The following UBE2E2 variants were observed in gnomAD, a reference collection of about 807,000 sequenced individuals.
UBE2E2 encodes the protein ubiquitin conjugating enzyme E2 E2.
In UBE2E2, 6 loss-of-function variants were observed where a neutral mutation model predicts 24.7. The observed-to-expected ratio is 0.24, with a 90% CI of 0.13 to 0.48. The LOEUF (loss-of-function observed/expected upper bound fraction) is 0.48. UBE2E2 is among the 20% of genes least tolerant of loss of function. UBE2E2 has a pLI of 0.99. For missense variants in UBE2E2, 169 were observed against 245.0 expected, an observed-to-expected ratio of 0.69 and a Z score of 2.07; for synonymous variants, 104 against 83.6, an observed-to-expected ratio of 1.24 and a Z score of -1.33.
chr3:23,254,740 C>A (rs1317865995), intron 3 of UBE2E2, among the ~76,000 whole-genome samples: 2 of 151,874 alleles, frequency 1.3e-5, no homozygotes, highest in East Asian at 3.9e-4. Context: ...GAAGGACTTG[C>A]TATAGGAGGC....
intron 3 of UBE2E2, among the ~76,000 whole-genome samples, chr3:23,266,876 A>C (rs1426990545): frequency 6.6e-6 from 1 of 152,222 alleles, no homozygotes; most frequent in Non-Finnish European, 1.5e-5. Context: ...AGTGCAATCA[A>C]ACTAGAACTC....
At chr3:23,473,365 G>T (rs970008608) in intron 3 of UBE2E2, among the ~76,000 whole-genome samples, 2 of 151,870 alleles carry the variant, frequency 1.3e-5, no homozygotes, top group Non-Finnish European at 1.5e-5. Context: ...ATCCCCAGGG[G>T]TCAAAAAAAG....
intron 5 of UBE2E2, among the ~76,000 whole-genome samples, chr3:23,567,525 T>A (rs946608272): frequency 6.6e-6 from 1 of 152,152 alleles, no homozygotes; most frequent in Non-Finnish European, 1.5e-5. Flanking sequence ...AGGTCACTTA[T>A]AGGAAATGGA....
chr3:23,284,969 A>G (rs1177478204), intron 3 of UBE2E2, among the ~76,000 whole-genome samples: 1 of 147,646 alleles, frequency 6.8e-6, no homozygotes, highest in African/African-American at 2.5e-5. Flanking sequence ...AAAAATATAT[A>G]TATATATATT....
intron 3 of UBE2E2, among the ~76,000 whole-genome samples, chr3:23,466,398 C>T (rs1698919535): frequency 6.6e-6 from 1 of 152,092 alleles, no homozygotes; most frequent in African/African-American, 2.4e-5. Flanking sequence ...CTTGATCATC[C>T]TGCCTTTGTG....
chr3:23,349,886 T>C (rs1695683127), intron 3 of UBE2E2, among the ~76,000 whole-genome samples: 2 of 152,308 alleles, frequency 1.3e-5, no homozygotes, highest in Admixed American at 6.5e-5. Flanking sequence ...GAGCAGTGGT[T>C]CTCCCAGCAG....
chr3:23,402,320 G>A (rs1001801749), intron 3 of UBE2E2, among the ~76,000 whole-genome samples: 6 of 152,186 alleles, frequency 3.9e-5, no homozygotes, highest in Non-Finnish European at 5.9e-5. Flanking sequence ...ATTATCAAGT[G>A]ATCTTACGTG....
chr3:23,567,578 A>T (rs1696107444), intron 5 of UBE2E2, among the ~76,000 whole-genome samples: 1 of 152,168 alleles, frequency 6.6e-6, no homozygotes. Context: ...CTGTATATTA[A>T]ACCCCAAAAA....
chr3:23,417,374 C>T (rs752193034), intron 3 of UBE2E2, among the ~76,000 whole-genome samples: 2 of 152,328 alleles, frequency 1.3e-5, no homozygotes, highest in Admixed American at 6.5e-5. Context: ...GTATCATCAG[C>T]GGAGGCTGCA....
rs369186426 is a variant in UBE2E2 at position 23,589,817 on chromosome 3, C to T, written c.592C>T (p.Arg198Trp). 4 of 1,614,028 alleles carry T rather than the reference C, an allele frequency of 2.5e-6. No individual in the cohort carries two copies. Among genetic ancestry groups the T allele is most frequent in the African/African-American group, 2.7e-5 (2 of 74,940 alleles). ...HDRMARQWTK[R>W]YAT ...CCGGATGGCCAGACAGTGGACCAAG[C>T]GGTACGCCACATAGGGGCCTGCTGC... Residue 198 changes from arginine (R) to tryptophan (W), a missense_variant, in exon 6 of 6, where the codon CGG becomes TGG. This residue lies in a region of UBE2E2 where 105 missense variants were observed against 180.7 expected (regional missense o/e 0.58). Transcript: ENST00000396703. This position sits in a 1 kb window ranked among gnomAD's most constrained non-coding sequence, Gnocchi z 4.1.
At chr3:23,269,766 G>A (rs1235391802) in intron 3 of UBE2E2, among the ~76,000 whole-genome samples, 2 of 152,150 alleles carry the variant, frequency 1.3e-5, no homozygotes, top group Non-Finnish European at 2.9e-5. Flanking sequence ...AGTGCAGGAA[G>A]GCCATGACAA....
At chr3:23,516,153 T>C (rs1694736022) in intron 4 of UBE2E2, among the ~76,000 whole-genome samples, 1 of 152,226 alleles carries the variant, frequency 6.6e-6, no homozygotes. Flanking sequence ...TATTACTGTA[T>C]TTCTAGATAC....
chr3:23,303,404 A>T (rs1201546176), intron 3 of UBE2E2, among the ~76,000 whole-genome samples: 1 of 152,110 alleles, frequency 6.6e-6, no homozygotes, highest in Non-Finnish European at 1.5e-5. Flanking sequence ...CTTCCCCTAA[A>T]CCAGTTGCTG....
intron 5 of UBE2E2, among the ~76,000 whole-genome samples, chr3:23,553,483 A>T (rs1427302530): frequency 6.6e-6 from 1 of 152,144 alleles, no homozygotes; most frequent in Non-Finnish European, 1.5e-5. Context: ...CCTACCATTT[A>T]TGTTAATAAA....
At chr3:23,542,241 C>T (rs1394915239) in intron 5 of UBE2E2, among the ~76,000 whole-genome samples, 1 of 152,160 alleles carries the variant, frequency 6.6e-6, no homozygotes, top group Non-Finnish European at 1.5e-5. Flanking sequence ...ATTTTAACTT[C>T]AGCCTTACTA....
intron 3 of UBE2E2, among the ~76,000 whole-genome samples, chr3:23,487,630 T>C (rs1261547140): frequency 6.6e-6 from 1 of 152,216 alleles, no homozygotes; most frequent in Non-Finnish European, 1.5e-5. Flanking sequence ...CACATCAACT[T>C]TCTGGAGTAG....
chr3:23,428,097 A>G (rs188719268), intron 3 of UBE2E2, among the ~76,000 whole-genome samples: 1 of 152,342 alleles, frequency 6.6e-6, no homozygotes, highest in East Asian at 1.9e-4. Context: ...ACTACATTAT[A>G]CACCACCACC....
intron 3 of UBE2E2, among the ~76,000 whole-genome samples, chr3:23,228,224 C>T (rs1368697878): frequency 6.6e-6 from 1 of 152,084 alleles, no homozygotes; most frequent in Non-Finnish European, 1.5e-5. Context: ...GAGTTTAGTG[C>T]CCATTATTTC....
chr3:23,295,757 C>A (rs1202325875), intron 3 of UBE2E2, among the ~76,000 whole-genome samples: 2 of 152,058 alleles, frequency 1.3e-5, no homozygotes, highest in Admixed American at 1.3e-4. Flanking sequence ...TAATATGCAC[C>A]ACTTGCACTT....
Sources: allele counts gnomAD v4.1 joint callset (sites outside exome capture counted in the v4.1 genomes callset), GRCh38; gene constraint gnomAD v4.1.1; regional missense constraint gnomAD v4.1.1; non-coding constraint Gnocchi (gnomAD v3.1); transcripts MANE v1.5; gene names NCBI Gene and HGNC (gene_info 2026-07-23, HGNC 2026-07-21).